The following RPS6KC1 variants were observed in gnomAD, a reference collection of about 807,000 sequenced individuals.
The protein encoded by RPS6KC1 is inactive ribosomal protein S6 kinase delta-1.
Under a neutral mutation model 103.8 loss-of-function variants are expected in RPS6KC1, and 54 were observed. The observed-to-expected ratio is 0.52, with a 90% CI of 0.42 to 0.65. RPS6KC1 has a LOEUF of 0.65. Ranked by LOEUF, RPS6KC1 falls within the 30% of genes least tolerant of loss-of-function variation. The pLI is 0.00. For missense variants in RPS6KC1, 1,151 were observed against 1,253.8 expected (o/e 0.92, Z 1.24); for synonymous variants, 439 against 438.7 (o/e 1.00, Z -0.01).
At chr1:213,161,341 G>A (rs1413441354) in intron 6 of RPS6KC1, among the ~76,000 whole-genome samples, 1 of 148,918 alleles carries the variant, frequency 6.7e-6, no homozygotes, top group African/African-American at 2.5e-5. Context: ...TTTTTTTGGT[G>A]ACAAAGTCTC....
At chr1:213,328,910 T>C in the RPS6KC1 span, among the ~76,000 whole-genome samples, 1 of 152,012 alleles carries the variant, frequency 6.6e-6, no homozygotes, top group Non-Finnish European at 1.5e-5. Flanking sequence ...CAGAAAAACA[T>C]TTGTTTCTGT....
chr1:213,511,580 G>C, the RPS6KC1 span, among the ~76,000 whole-genome samples: 1 of 152,106 alleles, frequency 6.6e-6, no homozygotes, highest in African/African-American at 2.4e-5. Context: ...CAGAGAAATG[G>C]CCAAAGTCAC....
chr1:213,700,568 T>TA, the RPS6KC1 span, among the ~76,000 whole-genome samples: 2 of 102,008 alleles, frequency 2.0e-5, no homozygotes, highest in Admixed American at 1.7e-4. Flanking sequence ...AATTTTAGGA[T>TA]TTTTTTTTTC....
At chr1:213,590,762 G>A in the RPS6KC1 span, among the ~76,000 whole-genome samples, 26 of 149,142 alleles carry the variant, frequency 1.7e-4, no homozygotes, top group African/African-American at 5.4e-4. Context: ...GCAGTGCTCC[G>A]GCAGCCGGGT....
the RPS6KC1 span, among the ~76,000 whole-genome samples, chr1:213,421,267 A>G: frequency 6.6e-6 from 1 of 151,886 alleles, no homozygotes. Flanking sequence ...GCGCGCCACC[A>G]TGCCTGGCTA....
At chr1:213,202,028 C>T (rs1413060895) in intron 8 of RPS6KC1, among the ~76,000 whole-genome samples, 6 of 151,988 alleles carry the variant, frequency 3.9e-5, no homozygotes, top group Admixed American at 6.6e-5. Flanking sequence ...TCTAAGCTCT[C>T]TACATAAATT....
the RPS6KC1 span, among the ~76,000 whole-genome samples, chr1:213,635,766 C>T: frequency 2.0e-5 from 3 of 152,096 alleles, no homozygotes; most frequent in Admixed American, 6.6e-5. Context: ...AAGTTCTGGC[C>T]AGGGCAATCA....
the RPS6KC1 span, among the ~76,000 whole-genome samples, chr1:213,650,923 C>G: frequency 8.5e-6 from 1 of 117,890 alleles, no homozygotes; most frequent in African/African-American, 3.7e-5. Flanking sequence ...TGGCAACTTG[C>G]ATGTTAAAAA....
At chr1:213,680,249 C>T in the RPS6KC1 span, among the ~76,000 whole-genome samples, 722 of 152,210 alleles carry the variant, frequency 4.7e-3, 5 homozygotes, top group African/African-American at 0.016. Context: ...GATGTTGAAT[C>T]GGAGGTTACA....
chr1:213,709,134 C>A, the RPS6KC1 span, among the ~76,000 whole-genome samples: 1 of 152,272 alleles, frequency 6.6e-6, no homozygotes. Context: ...GATACCAGCT[C>A]CTCTTTGTAC....
chr1:213,416,376 G>T, the RPS6KC1 span, among the ~76,000 whole-genome samples: 1 of 152,242 alleles, frequency 6.6e-6, no homozygotes, highest in Non-Finnish European at 1.5e-5. Context: ...TCTCTGAATT[G>T]GACATTGGAG....
chr1:213,454,420 G>A, the RPS6KC1 span, among the ~76,000 whole-genome samples: 1 of 152,188 alleles, frequency 6.6e-6, no homozygotes, highest in African/African-American at 2.4e-5. Context: ...TTAACCTCAT[G>A]CAATGTAACA....
chr1:213,117,838 C>T (rs551450796), intron 5 of RPS6KC1, among the ~76,000 whole-genome samples: 6 of 151,346 alleles, frequency 4.0e-5, no homozygotes, highest in East Asian at 1.9e-4. Flanking sequence ...GCCGAGCCAA[C>T]GTGGTGAAAC....
the RPS6KC1 span, among the ~76,000 whole-genome samples, chr1:213,335,130 G>A: frequency 2.5e-4 from 38 of 152,314 alleles, no homozygotes; most frequent in African/African-American, 8.4e-4. Context: ...GCACACAGGG[G>A]AAGAACCAGC....
the RPS6KC1 span, among the ~76,000 whole-genome samples, chr1:213,605,766 C>A: frequency 2.0e-5 from 3 of 152,158 alleles, no homozygotes; most frequent in South Asian, 6.2e-4. Flanking sequence ...AGCAAAATAG[C>A]TGAAGTGCTG....
chr1:213,394,784 T>G, the RPS6KC1 span, among the ~76,000 whole-genome samples: 5 of 152,212 alleles, frequency 3.3e-5, 1 homozygote, highest in Admixed American at 3.3e-4. Flanking sequence ...CTCCACGCAC[T>G]CGCAAGTCTA....
the RPS6KC1 span, among the ~76,000 whole-genome samples, chr1:213,575,611 G>A: frequency 1.3e-5 from 2 of 152,196 alleles, no homozygotes; most frequent in African/African-American, 2.4e-5. Context: ...ATGATTGTAA[G>A]TTTCCTGAGG....
chr1:213,673,981 T>C, the RPS6KC1 span, among the ~76,000 whole-genome samples: 1 of 152,112 alleles, frequency 6.6e-6, no homozygotes. Context: ...CTCTTGACCC[T>C]TTCTCTCCCT....
At chr1:213,472,954 C>T in the RPS6KC1 span, among the ~76,000 whole-genome samples, 2 of 152,198 alleles carry the variant, frequency 1.3e-5, no homozygotes, top group South Asian at 2.1e-4. Flanking sequence ...TGAATGTTAT[C>T]TCCTTCAAGA....
Sources: gnomAD v4.1 joint callset for allele counts (sites outside exome capture counted in the v4.1 genomes callset) on GRCh38, gnomAD v4.1.1 for gene constraint, MANE v1.5 for transcripts, NCBI Gene and HGNC (gene_info 2026-07-23, HGNC 2026-07-21) for gene names.